Variants in CEP350 observed in about 807,000 individuals in gnomAD.
The protein encoded by CEP350 is centrosome-associated protein 350.
Under a neutral mutation model 331.8 loss-of-function variants are expected in CEP350, and 126 were observed. The ratio of observed to expected loss-of-function variants is 0.38; its 90% CI spans 0.33 to 0.44. The LOEUF is 0.44. Ranked by LOEUF, CEP350 falls within the 20% of genes least tolerant of loss-of-function variation. The pLI is 1.00. For synonymous variants in CEP350, 1,200 were observed against 1,259.5 expected (o/e 0.95, Z 1.00); for missense variants, 3,406 against 3,634.6 (o/e 0.94, Z 1.62).
At chr1:179,974,661 G>C (rs968312115) in intron 1 of CEP350, among the ~76,000 whole-genome samples, 1 of 152,170 alleles carries the variant, frequency 6.6e-6, no homozygotes, top group Non-Finnish European at 1.5e-5. Flanking sequence ...TATGATATAT[G>C]TATGTGTGTA....
At chr1:179,969,886 A>C (rs1447356680) in intron 1 of CEP350, among the ~76,000 whole-genome samples, 1 of 152,208 alleles carries the variant, frequency 6.6e-6, no homozygotes, top group Non-Finnish European at 1.5e-5. Context: ...TTTCTTATGT[A>C]TAAGGGAAAA....
intron 16 of CEP350, among the ~76,000 whole-genome samples, chr1:180,036,676 ATAGTGCAAATATAAC>A (rs1246474742): frequency 6.6e-6 from 1 of 152,236 alleles, no homozygotes; most frequent in Admixed American, 6.5e-5. Flanking sequence ...AGACTACAGT[ATAGTGCAAATATAAC>A]TCTTATATGC....
Position 180,078,611 on chromosome 1 carries a change from T to C in CEP350, c.5916T>C (p.Ser1972=). 6.2e-7 allele frequency: 1 copy of C among 1,613,044 alleles called. No homozygotes were observed. Among genetic ancestry groups the C allele is most frequent in the Non-Finnish European group, 8.5e-7 (1 of 1,179,434 alleles). Residue 1972 remains serine (S), a synonymous_variant, in exon 29 of 38, where the codon AGT becomes AGC. Transcript: ENST00000367607. ...GQEQPGSPDH[S]ILTEEMICSQ... The stretch of plus-strand genomic sequence containing the variant: ...AGCAGCCAGGGAGTCCAGATCACAG[T>C]ATACTTACTGAAGAAATGATTTGTT...
chr1:180,110,266 C>T (rs1436213272), intron 37 of CEP350, among the ~76,000 whole-genome samples: 3 of 152,072 alleles, frequency 2.0e-5, no homozygotes, highest in East Asian at 3.9e-4. Flanking sequence ...AATGAGGGTT[C>T]GACTTACTGT....
intron 6 of CEP350, chr1:180,000,900 AT>A (rs1254042950): frequency 6.6e-6 from 1 of 152,122 alleles, no homozygotes; most frequent in Non-Finnish European, 1.5e-5. Context: ...ATGTTTATAA[AT>A]TTTTTCCCTT....
chr1:180,106,304 T>C (rs1038347663), intron 37 of CEP350, among the ~76,000 whole-genome samples: 4 of 152,176 alleles, frequency 2.6e-5, no homozygotes, highest in Admixed American at 2.6e-4. Context: ...CTCTACGTCT[T>C]TCTCATATTA....
intron 27 of CEP350, chr1:180,074,018 C>A: frequency 1.0e-6 from 1 of 972,374 alleles, no homozygotes; most frequent in Non-Finnish European, 1.4e-6. Context: ...AGCCTGGAGG[C>A]CTCTTATCAA....
At chr1:180,043,875 G>C (rs1005429816) in intron 20 of CEP350, among the ~76,000 whole-genome samples, 176 bp from the exon 21 acceptor site, 1 of 151,862 alleles carries the variant, frequency 6.6e-6, no homozygotes, top group African/African-American at 2.4e-5. Flanking sequence ...ATTGATACTA[G>C]GAGTGATTTG....
At position 180,013,993 on chromosome 1, in the gene CEP350, G is replaced by A. The variant is rs1381796923; in HGVS notation, c.1540G>A (p.Glu514Lys). The A allele has an allele frequency of 6.2e-7, 1 of 1,613,734 alleles. No homozygotes were observed. ...TTCATCTCTTCCAGATAATAAGCAGGAGGAAAATACTGCCTTAAATAAGGA... is the reference window on the plus strand; with the variant it reads ...TTCATCTCTTCCAGATAATAAGCAGAAGGAAAATACTGCCTTAAATAAGGA... Reference protein sequence around the residue: ...LASSLPDNKQEENTALNKDFL... With the variant: ...LASSLPDNKQKENTALNKDFL... The change falls in exon 10 of 38, where the codon GAG (glutamate) becomes AAG (lysine). Residue 514 changes from glutamate to lysine, a missense_variant. Glu to Lys is a moderately conservative substitution (Grantham distance 56, BLOSUM62 1). This residue lies in a region of CEP350 where 1,857 missense variants were observed against 1,909.2 expected (regional missense o/e 0.97). Coordinates refer to ENST00000367607, the MANE Select transcript of CEP350 (RefSeq NM_014810.5).
chr1:180,024,393 AACT>A (rs746640905), intron 13 of CEP350, 23 bp from the exon 14 acceptor site: 11 of 1,583,292 alleles, frequency 6.9e-6, no homozygotes, highest in Non-Finnish European at 8.6e-6. Flanking sequence ...TTCTTTCTGG[AACT>A]ACTATTATTT....
chr1:180,092,390 T>A (rs1290500779), intron 33 of CEP350, among the ~76,000 whole-genome samples: 1 of 152,218 alleles, frequency 6.6e-6, no homozygotes, highest in Non-Finnish European at 1.5e-5. Flanking sequence ...GTTAAGACAG[T>A]GCTTAAGAAA....
intron 30 of CEP350, among the ~76,000 whole-genome samples, chr1:180,083,362 C>T (rs1388602477): frequency 1.3e-5 from 2 of 152,114 alleles, no homozygotes; most frequent in African/African-American, 4.8e-5. Flanking sequence ...ATATCTTTTT[C>T]ATGATGTTGC....
intron 1 of CEP350, among the ~76,000 whole-genome samples, chr1:179,957,190 CTTAG>C (rs1279475657): frequency 1.3e-5 from 2 of 152,076 alleles, no homozygotes; most frequent in Admixed American, 6.6e-5. Context: ...CATTTATACT[CTTAG>C]TTATGTAAAA....
intron 32 of CEP350, among the ~76,000 whole-genome samples, chr1:180,090,495 G>A (rs1660111167): frequency 3.1e-5 from 4 of 131,142 alleles, no homozygotes; most frequent in African/African-American, 2.8e-5. Context: ...GCAGTGAGCC[G>A]AGATCGCGCC....
intron 5 of CEP350, among the ~76,000 whole-genome samples, chr1:179,995,539 A>G (rs956152607): frequency 6.6e-6 from 1 of 152,204 alleles, no homozygotes; most frequent in Non-Finnish European, 1.5e-5. Context: ...CGGGAGGCAG[A>G]GGTTGCAGTG....
At chr1:180,064,594 C>T (rs949219961) in intron 26 of CEP350, among the ~76,000 whole-genome samples, 5 of 152,026 alleles carry the variant, frequency 3.3e-5, no homozygotes, top group Non-Finnish European at 7.4e-5. Flanking sequence ...TAATAGTTTC[C>T]AAATGTTTTC....
At chr1:179,983,219 A>G (rs979966618) in intron 1 of CEP350, among the ~76,000 whole-genome samples, 7 of 152,150 alleles carry the variant, frequency 4.6e-5, no homozygotes, top group African/African-American at 1.2e-4. Flanking sequence ...TCTATAATCT[A>G]TGAAAAAATT....
intron 1 of CEP350, among the ~76,000 whole-genome samples, chr1:179,975,741 A>G (rs1651813922): frequency 6.6e-6 from 1 of 152,210 alleles, no homozygotes; most frequent in South Asian, 2.1e-4. Context: ...GGTTTTGAAC[A>G]TGAAAAATTT....
chr1:180,085,931 GAGTATT>G (rs1659834715), intron 31 of CEP350: 1 of 152,166 alleles, frequency 6.6e-6, no homozygotes, highest in African/African-American at 2.4e-5. Context: ...AACAAGGTGT[GAGTATT>G]ATTATCCCTG....
Sources: gnomAD v4.1 joint callset for allele counts (sites outside exome capture counted in the v4.1 genomes callset) on GRCh38, gnomAD v4.1.1 for gene constraint, gnomAD v4.1.1 regional missense constraint, MANE v1.5 for transcripts, NCBI Gene and HGNC (gene_info 2026-07-23, HGNC 2026-07-21) for gene names.